The following PRKG1 variants were observed in gnomAD, a reference collection of about 807,000 sequenced individuals.
The protein encoded by PRKG1 is protein kinase cGMP-dependent 1.
A neutral mutation model predicts 88.1 loss-of-function variants in PRKG1; 35 were observed. The ratio of observed to expected loss-of-function variants is 0.40; its 90% CI spans 0.30 to 0.53. The LOEUF (loss-of-function observed/expected upper bound fraction) is 0.53, where lower values mean the gene tolerates loss of function less well. PRKG1 is among the 20% of genes least tolerant of loss of function. PRKG1 has a pLI of 0.59. For missense variants in PRKG1, 540 were observed against 839.8 expected (o/e 0.64, Z 4.41); for synonymous variants, 303 against 292.5 (o/e 1.04, Z -0.37).
chr10:51,291,344 A>G (rs1047712684), intron 2 of PRKG1, among the ~76,000 whole-genome samples: 1 of 152,184 alleles, frequency 6.6e-6, no homozygotes, highest in Non-Finnish European at 1.5e-5. Flanking sequence ...CTTGACAGTT[A>G]TCAAGAGGAA....
intron 1 of PRKG1, among the ~76,000 whole-genome samples, chr10:51,059,162 A>T (rs559233570): frequency 3.4e-4 from 51 of 152,164 alleles, no homozygotes; most frequent in African/African-American, 1.2e-3. Context: ...ATATTTTCTA[A>T]TTTTTATGAA....
At chr10:51,880,129 A>T (rs1342758310) in intron 4 of PRKG1, among the ~76,000 whole-genome samples, 1 of 152,234 alleles carries the variant, frequency 6.6e-6, no homozygotes, top group Admixed American at 6.5e-5. Flanking sequence ...GTATTTGATT[A>T]AAAAATATTT....
intron 9 of PRKG1, among the ~76,000 whole-genome samples, chr10:52,197,144 A>T (rs1307063138): frequency 6.6e-6 from 1 of 152,046 alleles, no homozygotes; most frequent in African/African-American, 2.4e-5. Flanking sequence ...GGACATTCAG[A>T]TTTTTTTGTG....
chr10:52,157,868 A>T (rs1171351260), intron 8 of PRKG1, among the ~76,000 whole-genome samples: 1 of 151,470 alleles, frequency 6.6e-6, no homozygotes, highest in East Asian at 1.9e-4. Context: ...ATCATTAAAC[A>T]TGAAAGGGAT....
At chr10:52,288,650 G>A in intron 14 of PRKG1, 76 bp from the exon 15 acceptor site, 1 of 1,405,438 alleles carries the variant, frequency 7.1e-7, no homozygotes, top group Non-Finnish European at 9.6e-7. Flanking sequence ...TGTCATCTGT[G>A]GAGTTTATAG....
chr10:52,268,251 A>G (rs75362897), intron 10 of PRKG1, among the ~76,000 whole-genome samples: 2,759 of 152,244 alleles, frequency 0.018, 84 homozygotes, highest in African/African-American at 0.063. Context: ...TTAGCAGTAT[A>G]GTTCTATAAA....
At chr10:51,780,930 T>TA (rs1242144943) in intron 3 of PRKG1, among the ~76,000 whole-genome samples, 1 of 152,172 alleles carries the variant, frequency 6.6e-6, no homozygotes, top group Non-Finnish European at 1.5e-5. Context: ...GAGCAAACGT[T>TA]AAGCCTTTGA....
chr10:51,960,973 C>T (rs1843433121), intron 5 of PRKG1, among the ~76,000 whole-genome samples: 1 of 152,076 alleles, frequency 6.6e-6, no homozygotes, highest in Non-Finnish European at 1.5e-5. Context: ...GTATTGAGCT[C>T]ATTTGATATG....
rs10707987 is a variant in PRKG1, at chr10:51,458,432, C to CT, written c.479-9279dup. Among the ~76,000 whole-genome samples the CT allele has an allele frequency of 5.9e-4, 87 of 148,210 alleles. 1 individual carries two copies. Among genetic ancestry groups the CT allele is most frequent in the African/African-American group, 8.1e-4 (33 of 40,778 alleles). ...ATTCATCAATGAGTATTTAATAACC[C>CT]TTTTTTTTTTTTACAACCAGATATG... is the stretch of plus-strand genomic sequence containing the variant. On this transcript the variant is annotated intron_variant, in intron 2 of 17. Transcript: ENST00000373980.
Position 52,121,999 on chromosome 10 carries a change from T to C in PRKG1, c.936-11841T>C, listed in dbSNP as rs139077886. ...ACTCCTTGGTACCAATTTCCTATTT[T>C]AAGCTATTTTGTGCAGCTATAACAG... On this transcript the variant is annotated intron_variant, in intron 7 of 17. Transcript: ENST00000373980. Among the ~76,000 whole-genome samples the C allele has an allele frequency of 1.2e-4, 19 of 152,358 alleles. No individual in the cohort carries two copies. The East Asian group carries it at 3.3e-3, about 26-fold the overall frequency.
chr10:51,626,034 A>G (rs1007626975), intron 3 of PRKG1, among the ~76,000 whole-genome samples: 1 of 152,228 alleles, frequency 6.6e-6, no homozygotes, highest in Non-Finnish European at 1.5e-5. Flanking sequence ...GCACGACAAT[A>G]TTGCTGAAGT....
At chr10:51,618,597 C>G (rs1164585869) in intron 3 of PRKG1, among the ~76,000 whole-genome samples, 2 of 152,132 alleles carry the variant, frequency 1.3e-5, no homozygotes, top group African/African-American at 4.8e-5. Context: ...ATTATAGTCC[C>G]TACTTCACAG....
At chr10:51,696,205 T>C (rs1319375159) in intron 3 of PRKG1, 1 of 152,158 alleles carries the variant, frequency 6.6e-6, no homozygotes, top group African/African-American at 2.4e-5. Flanking sequence ...AGATGATTAA[T>C]GATAGAAAAG....
At chr10:51,972,046 C>T (rs548587201) in intron 5 of PRKG1, among the ~76,000 whole-genome samples, 1 of 152,170 alleles carries the variant, frequency 6.6e-6, no homozygotes, top group South Asian at 2.1e-4. Context: ...GTCTTATTCT[C>T]CATAAATGTC....
upstream of PRKG1, among the ~76,000 whole-genome samples, chr10:51,071,285 G>A (rs931623435): frequency 2.0e-5 from 3 of 152,044 alleles, no homozygotes; most frequent in Non-Finnish European, 4.4e-5. Flanking sequence ...TAAACAGCTG[G>A]TCAAAAGCAT....
chr10:51,735,879 ATGTATATTTATT>A (rs1202401297), intron 3 of PRKG1, among the ~76,000 whole-genome samples: 39 of 44,794 alleles, frequency 8.7e-4, no homozygotes, highest in African/African-American at 4.6e-3. Flanking sequence ...ATATATATAT[ATGTATATTTATT>A]TATTTATTTA....
At chr10:51,559,559 A>G (rs2132145603) in intron 3 of PRKG1, among the ~76,000 whole-genome samples, 1 of 152,224 alleles carries the variant, frequency 6.6e-6, no homozygotes, top group East Asian at 1.9e-4. Context: ...TAGCTCATAT[A>G]TTGCCTTCCT....
chr10:52,179,387 C>T (rs1184648725), intron 9 of PRKG1, among the ~76,000 whole-genome samples: 1 of 152,082 alleles, frequency 6.6e-6, no homozygotes, highest in Non-Finnish European at 1.5e-5. Flanking sequence ...GTCCCCTCTT[C>T]TACTTTTGGT....
intron 2 of PRKG1, among the ~76,000 whole-genome samples, chr10:51,197,341 C>T (rs1300493944): frequency 4.6e-5 from 7 of 152,088 alleles, no homozygotes; most frequent in South Asian, 2.1e-4. Flanking sequence ...GACATGATCT[C>T]GGCTCACCGC....
Sources: allele counts gnomAD v4.1 joint callset (sites outside exome capture counted in the v4.1 genomes callset), GRCh38; gene constraint gnomAD v4.1.1; transcripts MANE v1.5; gene names NCBI Gene and HGNC (gene_info 2026-07-23, HGNC 2026-07-21).